Variants in AKAP13 observed in about 807,000 individuals in gnomAD.
AKAP13 encodes A-kinase anchor protein 13.
A neutral mutation model predicts 264.5 loss-of-function variants in AKAP13; 80 were observed. The observed-to-expected ratio is 0.30, with a 90% CI of 0.25 to 0.36. AKAP13 has a LOEUF of 0.36. Ranked by LOEUF, AKAP13 falls within the 10% of genes least tolerant of loss-of-function variation. The pLI is 1.00. For synonymous variants in AKAP13, 1,380 were observed against 1,250.2 expected (o/e 1.10, Z -2.19); for missense variants, 3,712 against 3,435.2 (o/e 1.08, Z -2.01).
intron 5 of AKAP13, among the ~76,000 whole-genome samples, chr15:85,567,695 T>G (rs1004229878): frequency 6.6e-6 from 1 of 152,108 alleles, no homozygotes; most frequent in African/African-American, 2.4e-5. Context: ...TGTTTGGAGA[T>G]GTGTAGTTTT....
intron 1 of AKAP13, among the ~76,000 whole-genome samples, chr15:85,387,284 C>T (rs1462694879): frequency 3.3e-5 from 5 of 151,882 alleles, no homozygotes; most frequent in Admixed American, 6.6e-5. Context: ...TACAGTGAGC[C>T]GACATTGCGC....
At position 85,727,231 on chromosome 15, in the gene AKAP13, G is replaced by A. The variant is rs375169419; in HGVS notation, c.6988G>A (p.Asp2330Asn). The A allele has an allele frequency of 6.2e-7, 1 of 1,614,006 alleles. No individual in the cohort carries two copies. The highest frequency in any genetic ancestry group is 1.1e-5 in the South Asian group (1 of 91,074). Residue 2330 changes from aspartate (D) to asparagine (N), a missense_variant, in exon 28 of 37, where the codon GAC becomes AAC. Coordinates refer to ENST00000394518, the MANE Select transcript of AKAP13 (RefSeq NM_007200.5). This position sits in a 1 kb window ranked among gnomAD's most constrained non-coding sequence, Gnocchi z 5.3. ...AAACAGCTGGATTCAGATCATTCAG[G>A]ACACAATCAACACCCTGTAAGTTAA... is the stretch of plus-strand genomic sequence containing the variant. Reference protein sequence around the residue: ...ERNSWIQIIQDTINTLNRDED... With the variant: ...ERNSWIQIIQNTINTLNRDED...
chr15:85,637,560 T>G (rs1016432904), intron 8 of AKAP13, among the ~76,000 whole-genome samples: 2 of 152,206 alleles, frequency 1.3e-5, no homozygotes, highest in African/African-American at 4.8e-5. Flanking sequence ...TTGATATTAT[T>G]GACCCTTTTA....
chr15:85,394,459 C>T (rs558193380), intron 1 of AKAP13, among the ~76,000 whole-genome samples: 1 of 152,258 alleles, frequency 6.6e-6, no homozygotes, highest in East Asian at 1.9e-4. Flanking sequence ...TTTTGAAGGC[C>T]AGGATGTTGT....
At chr15:85,636,935 G>T (rs1386614689) in intron 8 of AKAP13, among the ~76,000 whole-genome samples, 1 of 152,180 alleles carries the variant, frequency 6.6e-6, no homozygotes, top group African/African-American at 2.4e-5. Flanking sequence ...TTCATCTAAT[G>T]ATGATCATTA....
chr15:85,442,423 A>AT (rs55699718), intron 1 of AKAP13, among the ~76,000 whole-genome samples: 2,685 of 105,898 alleles, frequency 0.025, 112 homozygotes, highest in South Asian at 0.034. Context: ...AAAAAAAAAA[A>AT]ATATATATAT....
chr15:85,563,893 A>G (rs2078507205), intron 5 of AKAP13, among the ~76,000 whole-genome samples: 1 of 152,228 alleles, frequency 6.6e-6, no homozygotes, highest in African/African-American at 2.4e-5. Flanking sequence ...ATGCATGCTC[A>G]AAGAGGTTAA....
At chr15:85,529,158 T>C (rs1031652131) in intron 3 of AKAP13, among the ~76,000 whole-genome samples, 34 of 152,136 alleles carry the variant, frequency 2.2e-4, no homozygotes, top group African/African-American at 8.2e-4. Context: ...AGGCACGGTG[T>C]AAGGTGTAAT....
intron 12 of AKAP13, among the ~76,000 whole-genome samples, chr15:85,661,278 G>A (rs980069049): frequency 1.3e-5 from 2 of 152,054 alleles, no homozygotes; most frequent in African/African-American, 4.8e-5. Context: ...TTCTGTCCTT[G>A]CTACTTGATA....
intron 12 of AKAP13, among the ~76,000 whole-genome samples, chr15:85,660,352 CAAAAAAAAA>C (rs35636118): frequency 7.3e-5 from 5 of 68,562 alleles, no homozygotes; most frequent in South Asian, 1.8e-3. Context: ...ATCTAAGTCT[CAAAAAAAAA>C]AAAAAAAAAA....
At chr15:85,606,798 G>A (rs1172898110) in intron 8 of AKAP13, among the ~76,000 whole-genome samples, 1 of 152,208 alleles carries the variant, frequency 6.6e-6, no homozygotes, top group Admixed American at 6.5e-5. Context: ...TGTGACTGAA[G>A]TAGAAGAATC....
At chr15:85,455,027 C>T (rs1043132197) in intron 1 of AKAP13, among the ~76,000 whole-genome samples, 2 of 152,022 alleles carry the variant, frequency 1.3e-5, no homozygotes, top group African/African-American at 2.4e-5. Context: ...CAGTGAAGGA[C>T]CTGGGTGTTT....
At chr15:85,716,239 G>C (rs62022943) in intron 20 of AKAP13, among the ~76,000 whole-genome samples, 1 of 151,988 alleles carries the variant, frequency 6.6e-6, no homozygotes, top group Admixed American at 6.6e-5. Flanking sequence ...TAGGAAAAAG[G>C]GTGATTTAAT....
chr15:85,529,866 A>G (rs1173462140), intron 3 of AKAP13, among the ~76,000 whole-genome samples: 1 of 152,218 alleles, frequency 6.6e-6, no homozygotes, highest in Non-Finnish European at 1.5e-5. Context: ...TTGAAAAAGA[A>G]GCCTCTAATC....
intron 4 of AKAP13, among the ~76,000 whole-genome samples, chr15:85,540,388 C>T (rs1596474173): frequency 1.3e-5 from 2 of 152,146 alleles, no homozygotes; most frequent in East Asian, 3.8e-4. Flanking sequence ...TGGTTAGGGG[C>T]TTTAATTACA....
chr15:85,650,692 G>A (rs1195258806), intron 10 of AKAP13, among the ~76,000 whole-genome samples: 1 of 139,096 alleles, frequency 7.2e-6, no homozygotes. Flanking sequence ...GGAGGTGGAG[G>A]TTGCAGTGAG....
rs1297253389 is a variant in AKAP13, at chr15:85,741,321, G to C, written c.7884G>C (p.Gln2628His). Reference sequence around the variant, plus strand: ...CCCAGCGCGAGGAGGAGGTGCAGCAGGGGCAGCAGGACCTGGAAAAGGAGC... The same window carrying C: ...CCCAGCGCGAGGAGGAGGTGCAGCACGGGCAGCAGGACCTGGAAAAGGAGC... ...LLAQREEEVQQGQQDLEKERE... is the reference protein window; with the variant it reads ...LLAQREEEVQHGQQDLEKERE... The change falls in exon 35 of 37, where the codon CAG becomes CAC. Residue 2628 changes from glutamine (Q) to histidine (H), a missense_variant. Gln to His is a conservative substitution (Grantham distance 24, BLOSUM62 0). Transcript: ENST00000394518. The C allele has an allele frequency of 1.2e-6, 2 of 1,613,014 alleles. No homozygotes were observed. Among genetic ancestry groups the C allele is most frequent in the Non-Finnish European group, 1.7e-6 (2 of 1,179,652 alleles).
chr15:85,684,499 G>A, intron 15 of AKAP13: 1 of 362,612 alleles, frequency 2.8e-6, no homozygotes. Flanking sequence ...AGGAGTTCAA[G>A]GCTGCAGTGA....
intron 1 of AKAP13, among the ~76,000 whole-genome samples, chr15:85,417,185 T>G (rs1373552182): frequency 1.3e-5 from 2 of 152,234 alleles, no homozygotes; most frequent in African/African-American, 4.8e-5. Context: ...TGGATTGATA[T>G]TAGAAATATT....
Sources: allele counts gnomAD v4.1 joint callset (sites outside exome capture counted in the v4.1 genomes callset), GRCh38; gene constraint gnomAD v4.1.1; non-coding constraint Gnocchi (gnomAD v3.1); transcripts MANE v1.5; gene names NCBI Gene and HGNC (gene_info 2026-07-23, HGNC 2026-07-21).